The following BLTP1 variants were observed in gnomAD, a reference collection of about 807,000 sequenced individuals.
The protein encoded by BLTP1 is bridge-like lipid transfer protein family member 1.
At chr4:122,194,945 T>C in the BLTP1 span, among the ~76,000 whole-genome samples, 1 of 152,172 alleles carries the variant, frequency 6.6e-6, no homozygotes, top group Non-Finnish European at 1.5e-5. Context: ...TTTTCACATA[T>C]ATTAAATTCA....
At chr4:122,224,892 G>C in the BLTP1 span, 1 of 1,439,218 alleles carries the variant, frequency 6.9e-7, no homozygotes, top group Non-Finnish European at 9.1e-7. Flanking sequence ...TGGGTGTAAT[G>C]TGTGTAGACC....
the BLTP1 span, chr4:122,227,366 C>A: frequency 1.0e-6 from 1 of 985,290 alleles, no homozygotes; most frequent in Non-Finnish European, 1.2e-6. Flanking sequence ...AGATGGTAAT[C>A]CCTAAAACCA....
chr4:122,306,619 G>A, the BLTP1 span: 1 of 968,444 alleles, frequency 1.0e-6, no homozygotes, highest in Non-Finnish European at 1.2e-6. Flanking sequence ...TATATCCCAG[G>A]GCCTAGAACA....
chr4:122,249,888 G>C, the BLTP1 span: 3 of 984,674 alleles, frequency 3.0e-6, no homozygotes, highest in Non-Finnish European at 3.6e-6. Flanking sequence ...TTCCAAAGTA[G>C]GTAGAGCTTG....
chr4:122,206,824 T>C, the BLTP1 span, among the ~76,000 whole-genome samples: 5 of 151,750 alleles, frequency 3.3e-5, no homozygotes, highest in African/African-American at 1.2e-4. Context: ...GCTATTTGGG[T>C]AGTGGAACAG....
chr4:122,234,153 A>G, the BLTP1 span: 2 of 268,842 alleles, frequency 7.4e-6, no homozygotes, highest in Non-Finnish European at 1.1e-5. Context: ...TGACAGATCT[A>G]TGAGTCACTT....
chr4:122,223,752 G>A, the BLTP1 span, among the ~76,000 whole-genome samples: 1 of 152,088 alleles, frequency 6.6e-6, no homozygotes, highest in Non-Finnish European at 1.5e-5. Flanking sequence ...ATACTATTTG[G>A]ACCAGGATGA....
the BLTP1 span, chr4:122,351,236 G>T: frequency 1.6e-4 from 144 of 880,828 alleles, no homozygotes; most frequent in Non-Finnish European, 1.9e-4. Flanking sequence ...GAAGTAATAC[G>T]TATACATTGA....
the BLTP1 span, chr4:122,361,877 A>G: frequency 5.4e-6 from 2 of 367,680 alleles, no homozygotes; most frequent in African/African-American, 4.4e-5. Context: ...ATTATGGTGA[A>G]TCCAGGAATT....
the BLTP1 span, chr4:122,246,864 A>C: frequency 1.3e-6 from 2 of 1,583,068 alleles, no homozygotes; most frequent in Non-Finnish European, 1.7e-6. Flanking sequence ...ATGTAAAAGC[A>C]AGCCTTGATC....
chr4:122,313,043 G>A, the BLTP1 span: 1 of 210,172 alleles, frequency 4.8e-6, no homozygotes, highest in Non-Finnish European at 8.2e-6. Flanking sequence ...CCAGATTAAA[G>A]CCAGTTGGTA....
At chr4:122,277,760 T>A in the BLTP1 span, 1 of 974,054 alleles carries the variant, frequency 1.0e-6, no homozygotes, top group Non-Finnish European at 1.2e-6. Flanking sequence ...TGGATGATTG[T>A]TATTCTAATT....
chr4:122,234,719 C>G, the BLTP1 span: 1 of 1,522,496 alleles, frequency 6.6e-7, no homozygotes, highest in East Asian at 2.3e-5. Context: ...TTTTTCATTT[C>G]TTAATGATTT....
the BLTP1 span, chr4:122,359,621 C>T: frequency 1.6e-5 from 26 of 1,612,300 alleles, no homozygotes; most frequent in Non-Finnish European, 2.0e-5. Context: ...TTATACATGA[C>T]GACAATTCCT....
At chr4:122,199,209 A>G in the BLTP1 span, 12 of 988,564 alleles carry the variant, frequency 1.2e-5, 1 homozygote, top group Non-Finnish European at 1.7e-5. Flanking sequence ...TTAAGTTAGC[A>G]AGCTCCCTGT....
the BLTP1 span, chr4:122,185,295 TA>T: frequency 1.0e-6 from 1 of 981,596 alleles, no homozygotes; most frequent in Non-Finnish European, 1.2e-6. Flanking sequence ...TCAATAGAGA[TA>T]AAAATGGATA....
At chr4:122,323,539 A>G in the BLTP1 span, among the ~76,000 whole-genome samples, 9 of 151,824 alleles carry the variant, frequency 5.9e-5, no homozygotes, top group Admixed American at 5.9e-4. Flanking sequence ...GAAAGGGGAA[A>G]GTTTGATGCA....
At chr4:122,325,738 T>C in the BLTP1 span, 1 of 802,506 alleles carries the variant, frequency 1.2e-6, no homozygotes, top group Non-Finnish European at 1.8e-6. Context: ...TCTAATTTCA[T>C]AGCATATTAA....
chr4:122,353,606 G>GATGTTTA, the BLTP1 span, among the ~76,000 whole-genome samples: 313 of 152,170 alleles, frequency 2.1e-3, 1 homozygote, highest in African/African-American at 7.3e-3. The surrounding 1 kb of genome is among the most constrained non-coding windows in gnomAD (Gnocchi z 4.3). Context: ...TTTGATGTTT[G>GATGTTTA]ATGCTTTCTT....
Sources: allele counts gnomAD v4.1 joint callset (sites outside exome capture counted in the v4.1 genomes callset), GRCh38; gene constraint gnomAD v4.1.1; non-coding constraint Gnocchi (gnomAD v3.1); transcripts MANE v1.5; gene names NCBI Gene and HGNC (gene_info 2026-07-23, HGNC 2026-07-21).